Variants in CALN1 observed in about 807,000 individuals in gnomAD.
CALN1 encodes calneuron 1, also known as calcium-binding protein 8.
In CALN1, 17 loss-of-function variants were observed where a neutral mutation model predicts 30.6. The observed-to-expected ratio is 0.56, with a 90% CI of 0.38 to 0.83. CALN1 has a LOEUF of 0.83. CALN1 is among the 40% of genes least tolerant of loss of function. The pLI, the probability that CALN1 is intolerant of heterozygous loss-of-function variation, is 0.00. For missense variants in CALN1, 291 were observed against 354.9 expected (o/e 0.82, Z 1.45); for synonymous variants, 156 against 131.4 (o/e 1.19, Z -1.28).
At chr7:72,013,972 TCAC>T (rs1408187333) in intron 5 of CALN1, among the ~76,000 whole-genome samples, 3 of 152,110 alleles carry the variant, frequency 2.0e-5, no homozygotes, top group African/African-American at 7.2e-5. Context: ...TGGCCAAGTG[TCAC>T]CAAATAGTTT....
At chr7:71,997,618 C>G (rs930055446) in intron 5 of CALN1, among the ~76,000 whole-genome samples, 8 of 152,016 alleles carry the variant, frequency 5.3e-5, no homozygotes, top group African/African-American at 1.9e-4. Context: ...TATGCAAAAA[C>G]ATGTTACAAT....
intron 2 of CALN1, among the ~76,000 whole-genome samples, chr7:72,301,362 C>T (rs1268655889): frequency 1.3e-5 from 2 of 151,966 alleles, no homozygotes; most frequent in Admixed American, 1.3e-4. Context: ...AATCCCACCA[C>T]TTTGGGAGGC....
intron 3 of CALN1, among the ~76,000 whole-genome samples, chr7:72,143,432 A>C (rs1214487507): frequency 6.6e-6 from 1 of 152,206 alleles, no homozygotes; most frequent in Non-Finnish European, 1.5e-5. Flanking sequence ...AGAAAAAAGA[A>C]TAAAAAGAAA....
At chr7:72,227,087 G>T (rs1793735441) in intron 3 of CALN1, among the ~76,000 whole-genome samples, 1 of 152,130 alleles carries the variant, frequency 6.6e-6, no homozygotes, top group South Asian at 2.1e-4. Flanking sequence ...GGGGAAACAG[G>T]GATGGACGGC....
intron 5 of CALN1, among the ~76,000 whole-genome samples, chr7:71,926,883 A>G (rs1795298227): frequency 1.3e-5 from 2 of 152,134 alleles, no homozygotes. Context: ...ATTCTCCACC[A>G]TGCATATTGC....
chr7:72,287,203 ATTCT>A (rs1374506137), intron 2 of CALN1, among the ~76,000 whole-genome samples: 1 of 152,008 alleles, frequency 6.6e-6, no homozygotes, highest in South Asian at 2.1e-4. Context: ...CACCTACTCT[ATTCT>A]TTCACTTCCC....
At chr7:72,296,905 T>C (rs1464772527) in intron 2 of CALN1, among the ~76,000 whole-genome samples, 2 of 151,906 alleles carry the variant, frequency 1.3e-5, no homozygotes, top group Admixed American at 6.6e-5. Flanking sequence ...TGCTAGCTTT[T>C]GAATGTGTTT....
At chr7:71,930,042 T>A (rs946818762) in intron 5 of CALN1, among the ~76,000 whole-genome samples, 1 of 152,236 alleles carries the variant, frequency 6.6e-6, no homozygotes, top group Non-Finnish European at 1.5e-5. Flanking sequence ...ACCTCTAGAT[T>A]ACTTACAATA....
chr7:72,236,187 G>C (rs1794466624), intron 3 of CALN1, among the ~76,000 whole-genome samples: 1 of 152,016 alleles, frequency 6.6e-6, no homozygotes, highest in Non-Finnish European at 1.5e-5. Flanking sequence ...CTAATTATTG[G>C]GATAGTGACC....
intron 3 of CALN1, among the ~76,000 whole-genome samples, chr7:72,223,543 C>T (rs1585204420): frequency 6.6e-6 from 1 of 152,138 alleles, no homozygotes; most frequent in East Asian, 1.9e-4. Flanking sequence ...CAGGACATTC[C>T]CTGCACTTTC....
rs926842117 is a variant in CALN1 at position 71,782,687 on chromosome 7, T to G, written c.*5088A>C. 1 of 152,216 alleles carries G rather than the reference T, an allele frequency of 6.6e-6. No homozygotes were observed. Among genetic ancestry groups the G allele is most frequent in the Non-Finnish European group, 1.5e-5 (1 of 68,042 alleles). 9.4% of individuals were successfully genotyped at this position (152,216 alleles called of 1,614,324 possible). ...AGGCAGCCCAAATTCTCCTCTATGT[T>G]GCTGTCACTTTAAATAATTTAAATT... On this transcript the variant is annotated 3_prime_UTR_variant, in exon 7 of 7. Coordinates refer to ENST00000395275, the MANE Select transcript of CALN1 (RefSeq NM_031468.4).
the CALN1 span, among the ~76,000 whole-genome samples, chr7:72,495,816 C>T: frequency 6.6e-6 from 1 of 152,180 alleles, no homozygotes; most frequent in Non-Finnish European, 1.5e-5. Context: ...TATCTAGCAT[C>T]CTTCCTGAAC....
At chr7:71,917,328 G>C (rs769907540) in intron 5 of CALN1, among the ~76,000 whole-genome samples, 2 of 152,192 alleles carry the variant, frequency 1.3e-5, no homozygotes, top group Non-Finnish European at 2.9e-5. Flanking sequence ...TGGAAGATGA[G>C]TATGTTCTAG....
At chr7:72,042,919 G>A (rs554392514) in intron 4 of CALN1, among the ~76,000 whole-genome samples, 5 of 152,194 alleles carry the variant, frequency 3.3e-5, no homozygotes, top group Non-Finnish European at 7.4e-5. Flanking sequence ...GCCATCCTAA[G>A]GATATCTTGC....
chr7:72,233,151 C>A (rs1358530075), intron 3 of CALN1, among the ~76,000 whole-genome samples: 1 of 148,616 alleles, frequency 6.7e-6, no homozygotes. Context: ...ACTATTTTTA[C>A]TGTTTGACTT....
At chr7:72,459,930 T>C in the CALN1 span, among the ~76,000 whole-genome samples, 2 of 152,148 alleles carry the variant, frequency 1.3e-5, no homozygotes, top group African/African-American at 4.8e-5. Flanking sequence ...CTGGGTAATT[T>C]ATAAAGAAAG....
intron 2 of CALN1, among the ~76,000 whole-genome samples, chr7:72,325,809 T>C (rs1249716763): frequency 2.6e-5 from 4 of 152,110 alleles, no homozygotes; most frequent in African/African-American, 9.7e-5. Context: ...AACGGATTGA[T>C]GGCAACCCAC....
chr7:72,136,813 G>T (rs973086426), intron 3 of CALN1, among the ~76,000 whole-genome samples: 1 of 152,178 alleles, frequency 6.6e-6, no homozygotes, highest in African/African-American at 2.4e-5. Flanking sequence ...CCCAAGGAGA[G>T]GGAGACAGAT....
intron 1 of CALN1, among the ~76,000 whole-genome samples, chr7:72,441,951 CCA>C (rs1808359554): frequency 6.6e-6 from 1 of 152,010 alleles, no homozygotes; most frequent in Non-Finnish European, 1.5e-5. Flanking sequence ...ACAGACGTCT[CCA>C]ATTTAACATG....
Sources: allele counts gnomAD v4.1 joint callset (sites outside exome capture counted in the v4.1 genomes callset), GRCh38; gene constraint gnomAD v4.1.1; transcripts MANE v1.5; gene names NCBI Gene and HGNC (gene_info 2026-07-23, HGNC 2026-07-21).